Variants in CYP3A7 observed in about 807,000 individuals in gnomAD.
CYP3A7 encodes the protein cytochrome P450 family 3 subfamily A member 7.
CYP3A7 carries 45 observed loss-of-function variants against 55.2 expected under a neutral mutation model. The ratio of observed to expected loss-of-function variants is 0.82; its 90% CI spans 0.64 to 1.05. CYP3A7 has a LOEUF of 1.05. CYP3A7 is among the 50% of genes least tolerant of loss of function. CYP3A7 has a pLI of 0.00. For missense variants in CYP3A7, 548 were observed against 605.3 expected (o/e 0.91, Z 0.99); for synonymous variants, 180 against 207.4 (o/e 0.87, Z 1.13).
intron 12 of CYP3A7, among the ~76,000 whole-genome samples, chr7:99,706,205 C>T (rs1813518492): frequency 6.6e-6 from 1 of 152,172 alleles, no homozygotes; most frequent in Non-Finnish European, 1.5e-5. Flanking sequence ...TTTGACTCAA[C>T]TTTTCTTATT....
At chr7:99,714,285 G>A (rs899284772) in intron 8 of CYP3A7, among the ~76,000 whole-genome samples, 10 of 152,226 alleles carry the variant, frequency 6.6e-5, no homozygotes, top group South Asian at 2.1e-4. Flanking sequence ...GCTGTGATAA[G>A]GTTTTATCTG....
At chr7:99,730,936 A>G in intron 2 of CYP3A7, 123 bp downstream of exon 2, 1 of 1,315,806 alleles carries the variant, frequency 7.6e-7, no homozygotes, top group Non-Finnish European at 1.1e-6. Context: ...GGTGATGCCT[A>G]CACGCTATTT....
At position 99,705,564 on chromosome 7, in the gene CYP3A7, A is replaced by T. The variant is rs1240857217; in HGVS notation, c.1448T>A (p.Leu483His). The change falls in exon 13 of 13, where the codon CTT becomes CAT. Residue 483 changes from leucine (L) to histidine (H), a missense_variant. Leu to His is a moderately conservative substitution (Grantham distance 99). Transcript: ENST00000336374. ...TAGAACAATGGGTTTTTCTGTTAGA[A>T]GAAGTCCTCCAAAGCGTAATTTCAG... ...IPLKLRFGGL[L>H]LTEKPIVLKA... 3 of 1,613,760 alleles carry T rather than the reference A, an allele frequency of 1.9e-6. No homozygotes were observed. The highest frequency in any genetic ancestry group is 2.5e-6 in the Non-Finnish European group (3 of 1,179,724).
In CYP3A7 at chr7:99,705,610, C is replaced by T. The variant is rs10263682; in HGVS notation, c.1417-15G>A. ...TTCAGGGGGATCTGCAACAGTTAAA[C>T]GAGCATATTGAGAAGCATTAAATAA... On this transcript the variant is annotated splice_polypyrimidine_tract_variant and intron_variant, in intron 12 of 12. Transcript: ENST00000336374. The T allele has an allele frequency of 5.1e-5, 82 of 1,611,958 alleles. No individual in the cohort carries two copies. In the African/African-American group the frequency reaches 7.7e-4, roughly 15 times the overall value.
chr7:99,719,233 C>A (rs1173451863), intron 4 of CYP3A7, among the ~76,000 whole-genome samples: 1 of 152,158 alleles, frequency 6.6e-6, no homozygotes, highest in Non-Finnish European at 1.5e-5. Context: ...TGGGAAGAAT[C>A]ACTCTACATG....
At chr7:99,733,305 G>C (rs1814699038) in intron 1 of CYP3A7, among the ~76,000 whole-genome samples, 1 of 152,228 alleles carries the variant, frequency 6.6e-6, no homozygotes, top group African/African-American at 2.4e-5. Context: ...CCCGAGGAAA[G>C]ATCTAGGTGA....
At position 99,731,076 on chromosome 7, in the gene CYP3A7, C is replaced by T; in HGVS notation, c.148G>A (p.Ala50Thr). ...GPTPLPFLGN[A>T]LSFRKGYWTF... ...ACACTCACCTTACGGAAGGACAAAGCATTTCCCAAAAAAGGCAGAGGTGTG... is the reference window on the plus strand; with the variant it reads ...ACACTCACCTTACGGAAGGACAAAGTATTTCCCAAAAAAGGCAGAGGTGTG... The change falls in exon 2 of 13, where the codon GCT becomes ACT. Residue 50 changes from alanine to threonine, a missense_variant. Physicochemically the swap from Ala to Thr is moderately conservative, Grantham distance 58. Transcript: ENST00000336374. 6.2e-7 allele frequency: 1 copy of T among 1,613,784 alleles called. No individual in the cohort carries two copies. The highest frequency in any genetic ancestry group is 8.5e-7 in the Non-Finnish European group (1 of 1,179,762).
At chr7:99,716,504 A>G (rs1813955110) in intron 6 of CYP3A7, among the ~76,000 whole-genome samples, 1 of 152,182 alleles carries the variant, frequency 6.6e-6, no homozygotes, top group South Asian at 2.1e-4. Flanking sequence ...ATATAATGAC[A>G]AATGATGTCC....
At position 99,709,681 on chromosome 7, in the gene CYP3A7, C is replaced by T. The variant is rs139419211; in HGVS notation, c.1027-420G>A. Reference sequence around the variant, plus strand: ...AGATAGAAAAAGCAAATTCTCTGTGCGACAAGGATTATTGGCCAAACTTCT... The same window carrying T: ...AGATAGAAAAAGCAAATTCTCTGTGTGACAAGGATTATTGGCCAAACTTCT... On this transcript the variant is annotated intron_variant, in intron 10 of 12. Transcript: ENST00000336374. Among the ~76,000 whole-genome samples, 71 of 152,030 alleles carry T rather than the reference C, an allele frequency of 4.7e-4. No homozygotes were observed. In the East Asian group the frequency reaches 0.012, roughly 26 times the overall value.
intron 10 of CYP3A7, among the ~76,000 whole-genome samples, chr7:99,709,526 G>C (rs1283972096): frequency 6.6e-6 from 1 of 152,200 alleles, no homozygotes; most frequent in Non-Finnish European, 1.5e-5. Context: ...TAACCATGTA[G>C]TGGTTTTTCT....
chr7:99,735,089 TC>T lies in CYP3A7; in HGVS notation c.4del (p.Asp2IlefsTer18). The T allele has an allele frequency of 6.2e-7, 1 of 1,614,036 alleles. No individual in the cohort carries two copies. The highest frequency in any genetic ancestry group is 8.5e-7 in the Non-Finnish European group (1 of 1,179,940). ...TTCCACGGCCAAGTTTGGGATGAGA[TC>T]CATCACTACTTTCCTTCCTTATCTC... Reference protein sequence around the residue: MDLIPNLAVETW... With the variant: MXLIPNLAVETW... On this transcript the variant is annotated frameshift_variant, in exon 1 of 13. Transcript: ENST00000336374. LOFTEE classifies it high-confidence loss of function.
intron 3 of CYP3A7, chr7:99,720,627 A>C (rs75515243): frequency 2.0e-6 from 1 of 508,574 alleles, no homozygotes; most frequent in African/African-American, 1.9e-5. Flanking sequence ...AATGTGGGCC[A>C]AACAGGGAAG....
At chr7:99,732,877 T>G (rs996122621) in intron 1 of CYP3A7, among the ~76,000 whole-genome samples, 3 of 151,542 alleles carry the variant, frequency 2.0e-5, no homozygotes, top group African/African-American at 7.2e-5. Flanking sequence ...GTATTCCACA[T>G]AAGTAACCAT....
chr7:99,723,432 C>T (rs573119593), intron 2 of CYP3A7, among the ~76,000 whole-genome samples: 2 of 152,332 alleles, frequency 1.3e-5, no homozygotes, highest in South Asian at 4.1e-4. Context: ...CCACTGCTTA[C>T]CCCAGTCCTA....
intron 4 of CYP3A7, among the ~76,000 whole-genome samples, chr7:99,719,922 T>G (rs1584515625): frequency 6.6e-6 from 1 of 152,090 alleles, no homozygotes; most frequent in African/African-American, 2.4e-5. Flanking sequence ...ACTTGAACCC[T>G]GGAGGTGGAG....
At chr7:99,709,349 G>A in intron 10 of CYP3A7, 88 bp from the exon 11 acceptor site, 1 of 1,542,624 alleles carries the variant, frequency 6.5e-7, no homozygotes, top group South Asian at 1.2e-5. Context: ...ACTGTTAGAA[G>A]TTCCAGAGAA....
intron 12 of CYP3A7, 78 bp from the exon 13 acceptor site, chr7:99,705,673 A>G: frequency 6.5e-7 from 1 of 1,535,452 alleles, no homozygotes. Context: ...GTAAAAAAAA[A>G]TTACTGACAA....
In CYP3A7 at chr7:99,713,490, T is replaced by C. The variant is rs1309458103; in HGVS notation, c.844A>G (p.Lys282Glu). 1 of 1,613,462 alleles carries C rather than the reference T, an allele frequency of 6.2e-7. No homozygotes were observed. Among genetic ancestry groups the C allele is most frequent in the Non-Finnish European group, 8.5e-7 (1 of 1,179,552 alleles). ...TTACCTTTGTGGGTCTCAGAGTCTT[T>C]TGAATTCTGAGAGTCAATCATCAGC... ...LQLMIDSQNSKDSETHKALSD... is the reference protein window; with the variant it reads ...LQLMIDSQNSEDSETHKALSD... Residue 282 changes from lysine to glutamate, a missense_variant, in exon 9 of 13, where the codon AAA (lysine) becomes GAA (glutamate). By Grantham distance (56) the Lys-to-Glu change is moderately conservative. Coordinates refer to ENST00000336374, the MANE Select transcript of CYP3A7 (RefSeq NM_000765.5).
At chr7:99,707,195 G>C (rs1584503796) in intron 12 of CYP3A7, among the ~76,000 whole-genome samples, 1 of 152,214 alleles carries the variant, frequency 6.6e-6, no homozygotes, top group East Asian at 1.9e-4. Context: ...TAGGCACCTG[G>C]AAGGTGAGGT....
Sources: gnomAD v4.1 joint callset for allele counts (sites outside exome capture counted in the v4.1 genomes callset) on GRCh38, gnomAD v4.1.1 for gene constraint, MANE v1.5 for transcripts, NCBI Gene and HGNC (gene_info 2026-07-23, HGNC 2026-07-21) for gene names.